KCNAB2: variants seen among roughly 807,000 people sequenced by gnomAD.
KCNAB2 encodes the protein voltage-gated potassium channel subunit beta-2.
In KCNAB2, 29 loss-of-function variants were observed where a neutral mutation model predicts 63.6. The ratio of observed to expected loss-of-function variants is 0.46; its 90% CI spans 0.34 to 0.62. KCNAB2 has a LOEUF of 0.62. KCNAB2 is among the 20% of genes least tolerant of loss of function. The pLI, the probability that KCNAB2 is intolerant of heterozygous loss-of-function variation, is 0.01. For missense variants in KCNAB2, 359 were observed against 563.9 expected (o/e 0.64, Z 3.68); for synonymous variants, 222 against 224.2 (o/e 0.99, Z 0.09).
chr1:5,993,181 C>A (rs1379276460), intron 1 of KCNAB2, among the ~76,000 whole-genome samples: 1 of 151,496 alleles, frequency 6.6e-6, no homozygotes, highest in Non-Finnish European at 1.5e-5. Flanking sequence ...CCGGCCTCTG[C>A]GCAGCCCCAC....
intron 1 of KCNAB2, among the ~76,000 whole-genome samples, chr1:6,039,097 G>C (rs1008087270): frequency 3.3e-5 from 5 of 152,208 alleles, no homozygotes; most frequent in Non-Finnish European, 7.3e-5. Context: ...GGTGTCGGCC[G>C]GGGAGCAGCA....
intron 1 of KCNAB2, among the ~76,000 whole-genome samples, chr1:6,038,626 T>A (rs1368694534): frequency 6.6e-6 from 1 of 152,186 alleles, no homozygotes; most frequent in East Asian, 1.9e-4. Flanking sequence ...TCTACACATG[T>A]GCTCACATCG....
At chr1:6,002,508 C>T (rs1657313000) in intron 1 of KCNAB2, among the ~76,000 whole-genome samples, 1 of 152,254 alleles carries the variant, frequency 6.6e-6, no homozygotes, top group African/African-American at 2.4e-5. Context: ...CTCCCTGATG[C>T]CTGTCATCTG....
At chr1:5,996,925 G>T (rs750857167) in intron 1 of KCNAB2, among the ~76,000 whole-genome samples, 19 of 152,180 alleles carry the variant, frequency 1.2e-4, no homozygotes, top group Non-Finnish European at 2.8e-4. Context: ...GTAGACCCCT[G>T]AGGTCTGGTC....
chr1:6,081,020 G>C (rs960874854), intron 4 of KCNAB2, among the ~76,000 whole-genome samples: 1 of 152,230 alleles, frequency 6.6e-6, no homozygotes, highest in East Asian at 1.9e-4. Context: ...AGAGCCAGAA[G>C]CTCAGGGGCA....
intron 1 of KCNAB2, chr1:6,007,527 C>CTCCTCCGCGCT (rs1553211387): frequency 6.6e-6 from 1 of 152,582 alleles, no homozygotes; most frequent in East Asian, 1.9e-4. Flanking sequence ...TCCTCCGCGC[C>CTCCTCCGCGCT]TCCTCTGCGC....
rs879592328 is a variant in KCNAB2 at position 6,086,584 on chromosome 1, C to T, written c.426-883C>T. Among the ~76,000 whole-genome samples the T allele has an allele frequency of 2.6e-5, 4 of 152,114 alleles. No homozygotes were observed. The highest frequency in any genetic ancestry group is 7.2e-5 in the African/African-American group (3 of 41,432). On this transcript the variant is annotated intron_variant, in intron 6 of 15. Coordinates refer to ENST00000378083, the MANE Select transcript of KCNAB2 (RefSeq NM_001199862.2). This position sits in a 1 kb window ranked among gnomAD's most constrained non-coding sequence, Gnocchi z 4.2. ...GGGGCACCAGGAGGTCATTGTCACC[C>T]CCTGGGTGGGAAGTACTCCCTCCTC...
chr1:6,029,732 C>T (rs1336824059), upstream of KCNAB2, among the ~76,000 whole-genome samples: 1 of 152,190 alleles, frequency 6.6e-6, no homozygotes, highest in African/African-American at 2.4e-5. Flanking sequence ...GGTCATAGAC[C>T]AGCACATGGC....
rs557530958 is a variant in KCNAB2, at chr1:6,094,530, G to A, written c.732+45G>A. 6.4e-5 allele frequency: 96 copies of A among 1,510,512 alleles called. No homozygotes were observed. In the South Asian group the frequency reaches 7.9e-4, roughly 12 times the overall value. 93.6% of individuals were successfully genotyped at this position (1,510,512 alleles called of 1,614,324 possible). ...TGTGTGTGTCCAGGCACAGACTCCCGGCACCGGCTGCGTATGGAGACCCCA... is the reference window on the plus strand; with the variant it reads ...TGTGTGTGTCCAGGCACAGACTCCCAGCACCGGCTGCGTATGGAGACCCCA... On this transcript the variant is annotated intron_variant, in intron 11 of 15. Transcript: ENST00000378083.
intron 1 of KCNAB2, among the ~76,000 whole-genome samples, chr1:6,004,012 G>T (rs760884530): frequency 6.6e-6 from 1 of 152,170 alleles, no homozygotes; most frequent in Non-Finnish European, 1.5e-5. Context: ...GAAGCCATTT[G>T]TTATTTATTC....
chr1:6,025,361 C>T (rs1381996599), intron 1 of KCNAB2, among the ~76,000 whole-genome samples: 1 of 152,120 alleles, frequency 6.6e-6, no homozygotes, highest in Non-Finnish European at 1.5e-5. Flanking sequence ...ATGTTCCACC[C>T]GAGTCCTCCC....
At chr1:6,062,828 C>A (rs1201367833) in intron 2 of KCNAB2, among the ~76,000 whole-genome samples, 1 of 152,108 alleles carries the variant, frequency 6.6e-6, no homozygotes, top group Admixed American at 6.6e-5. Flanking sequence ...AATTCACGTG[C>A]CATACAATTC....
At chr1:6,092,120 G>A (rs1335836981) in intron 10 of KCNAB2, among the ~76,000 whole-genome samples, 1 of 152,232 alleles carries the variant, frequency 6.6e-6, no homozygotes, top group Non-Finnish European at 1.5e-5. Context: ...TGTGAGTTTT[G>A]GCAGCAGCTA....
chr1:6,021,402 T>G (rs1029202000), intron 1 of KCNAB2, among the ~76,000 whole-genome samples: 2 of 152,236 alleles, frequency 1.3e-5, no homozygotes, highest in African/African-American at 4.8e-5. Flanking sequence ...TTTCTTTTTC[T>G]TTTTTCCCAG....
chr1:6,075,118 A>G (rs1181952567), intron 4 of KCNAB2, among the ~76,000 whole-genome samples: 1 of 152,178 alleles, frequency 6.6e-6, no homozygotes, highest in Non-Finnish European at 1.5e-5. Context: ...TGGGGCCCAT[A>G]TGGTTCAATC....
intron 8 of KCNAB2, 87 bp downstream of exon 8, chr1:6,089,138 C>A (rs1011310500): frequency 3.3e-5 from 46 of 1,388,548 alleles, no homozygotes; most frequent in Non-Finnish European, 4.5e-5. Flanking sequence ...GGGCCCGACC[C>A]CCCCAGTTAA....
intron 1 of KCNAB2, among the ~76,000 whole-genome samples, chr1:6,008,440 G>A (rs1272916045): frequency 6.6e-6 from 1 of 152,100 alleles, no homozygotes; most frequent in Non-Finnish European, 1.5e-5. Flanking sequence ...GGCCAACACG[G>A]TGAAACCCCG....
At chr1:6,016,155 A>ATT (rs1658482516) in intron 1 of KCNAB2, among the ~76,000 whole-genome samples, 1 of 152,160 alleles carries the variant, frequency 6.6e-6, no homozygotes, top group Admixed American at 6.5e-5. Flanking sequence ...ACCAGCACCC[A>ATT]CCTGCTGCCT....
At chr1:6,005,070 GACATGGAAGCTGA>G (rs1570827209) in intron 1 of KCNAB2, among the ~76,000 whole-genome samples, 2 of 26,566 alleles carry the variant, frequency 7.5e-5, no homozygotes, top group Non-Finnish European at 1.0e-4. Flanking sequence ...TAGAGTGGGG[GACATGGAAGCTGA>G]GCTGAGGGGT....
Sources: allele counts gnomAD v4.1 joint callset (sites outside exome capture counted in the v4.1 genomes callset), GRCh38; gene constraint gnomAD v4.1.1; non-coding constraint Gnocchi (gnomAD v3.1); transcripts MANE v1.5; gene names NCBI Gene and HGNC (gene_info 2026-07-23, HGNC 2026-07-21).